PDLIM5: variants seen among roughly 807,000 people sequenced by gnomAD.
The protein encoded by PDLIM5 is PDZ and LIM domain 5, also known as PDZ and LIM domain protein 5.
A neutral mutation model predicts 64.2 loss-of-function variants in PDLIM5; 34 were observed. The observed-to-expected ratio is 0.53, with a 90% confidence interval of 0.40 to 0.71. PDLIM5 has a LOEUF of 0.71. PDLIM5 is among the 30% of genes least tolerant of loss of function. The pLI, the probability that PDLIM5 is intolerant of heterozygous loss-of-function variation, is 0.00. For missense variants in PDLIM5, 683 were observed against 733.6 expected, an observed-to-expected ratio of 0.93 and a Z score of 0.80; for synonymous variants, 253 against 269.1, an observed-to-expected ratio of 0.94 and a Z score of 0.59.
At chr4:94,496,141 C>G (rs561735763) in intron 2 of PDLIM5, among the ~76,000 whole-genome samples, 22 of 151,654 alleles carry the variant, frequency 1.5e-4, no homozygotes, top group Admixed American at 9.2e-4. Flanking sequence ...CATCAAGTAG[C>G]AAAAACAGAT....
At chr4:94,598,714 T>C (rs1737256521) in intron 7 of PDLIM5, among the ~76,000 whole-genome samples, 1 of 151,688 alleles carries the variant, frequency 6.6e-6, no homozygotes. Flanking sequence ...AAAAGGAAAA[T>C]AAGGAAAAAT....
intron 2 of PDLIM5, chr4:94,455,779 A>G: frequency 2.0e-6 from 3 of 1,517,220 alleles, no homozygotes; most frequent in Non-Finnish European, 2.7e-6. Flanking sequence ...ACTGTTGATC[A>G]AAATTGAATA....
chr4:94,586,390 T>C lies in PDLIM5; in HGVS notation c.884-18T>C, dbSNP rs1209611572. The C allele has an allele frequency of 4.4e-6, 6 of 1,370,492 alleles. No individual in the cohort carries two copies. The highest frequency in any genetic ancestry group is 2.9e-5 in the African/African-American group (2 of 69,718). The allele number at this position is 1,370,492 out of a possible 1,614,324, so 84.9% of individuals were successfully genotyped here. On this transcript the variant is annotated intron_variant, in intron 6 of 12. Coordinates refer to ENST00000317968, the MANE Select transcript of PDLIM5 (RefSeq NM_006457.5). ...AAACAAAACAAACTAATATTGGATA[T>C]TGCTTATTATATTTCAGTGAAAGAA...
chr4:94,607,116 T>C (rs1737992143), intron 7 of PDLIM5, among the ~76,000 whole-genome samples: 1 of 152,232 alleles, frequency 6.6e-6, no homozygotes, highest in African/African-American at 2.4e-5. Flanking sequence ...ATGACATTTT[T>C]CTTCAACTGT....
Position 94,522,544 on chromosome 4 carries a change from T to A in PDLIM5, c.97-1180T>A, listed in dbSNP as rs140280943. Among the ~76,000 whole-genome samples, 791 of 152,094 alleles carry A rather than the reference T, an allele frequency of 5.2e-3. 5 individuals carry two copies. Among genetic ancestry groups the A allele is most frequent in the African/African-American group, 0.018 (734 of 41,482 alleles). The stretch of plus-strand genomic sequence containing the variant: ...GCATGCACCACCACGCCCGGCTGAT[T>A]TTTGTATTTTTGGTAGAGATGGGGT... On this transcript the variant is annotated intron_variant, in intron 2 of 12. Coordinates refer to ENST00000317968, the MANE Select transcript of PDLIM5 (RefSeq NM_006457.5).
intron 2 of PDLIM5, among the ~76,000 whole-genome samples, chr4:94,477,139 G>T (rs1478803846): frequency 2.0e-5 from 3 of 152,182 alleles, no homozygotes; most frequent in East Asian, 3.9e-4. Context: ...GGTGAGGGAA[G>T]AGTGGTAGAA....
intron 7 of PDLIM5, among the ~76,000 whole-genome samples, chr4:94,593,406 T>C (rs1472788497): frequency 6.6e-6 from 1 of 152,162 alleles, no homozygotes; most frequent in Non-Finnish European, 1.5e-5. Context: ...CTGGAGACTG[T>C]AAGTTCTAGG....
Position 94,496,071 on chromosome 4 carries a change from A to G in PDLIM5, c.97-27653A>G, listed in dbSNP as rs75660942. 1.3e-4 allele frequency among the ~76,000 whole-genome samples: 20 copies of G among 151,668 alleles called. No individual in the cohort carries two copies. The East Asian group carries it at 3.9e-3, about 29-fold the overall frequency. ...GACATTTCTAGCAAAAAAAAAAACC[A>G]AAAAACAAGGTTTGGCATTGTAGTT... is the stretch of plus-strand genomic sequence containing the variant. On this transcript the variant is annotated intron_variant, in intron 2 of 12. Transcript: ENST00000317968.
At chr4:94,477,949 T>C (rs1448178869) in intron 2 of PDLIM5, among the ~76,000 whole-genome samples, 2 of 152,166 alleles carry the variant, frequency 1.3e-5, no homozygotes, top group Non-Finnish European at 2.9e-5. Flanking sequence ...GAATGATTTC[T>C]TTAGCTTACT....
At chr4:94,573,327 C>G in intron 3 of PDLIM5, 24 bp from the exon 4 acceptor site, 1 of 1,562,124 alleles carries the variant, frequency 6.4e-7, no homozygotes, top group Non-Finnish European at 8.7e-7. Context: ...TTTTTTTTTT[C>G]TTTTTCTTTC....
chr4:94,571,103 A>G (rs1306632299), intron 3 of PDLIM5, among the ~76,000 whole-genome samples: 2 of 152,222 alleles, frequency 1.3e-5, no homozygotes, highest in African/African-American at 4.8e-5. Flanking sequence ...TGGGTATTCA[A>G]AAGATGCAGT....
At chr4:94,602,020 A>G (rs1737542996) in intron 7 of PDLIM5, among the ~76,000 whole-genome samples, 1 of 152,236 alleles carries the variant, frequency 6.6e-6, no homozygotes, top group Admixed American at 6.5e-5. Context: ...GGCAGAATCT[A>G]GCTATGACTC....
At chr4:94,592,802 A>G (rs1021873992) in intron 7 of PDLIM5, among the ~76,000 whole-genome samples, 1 of 151,900 alleles carries the variant, frequency 6.6e-6, no homozygotes, top group African/African-American at 2.4e-5. Flanking sequence ...AATTTTTTGT[A>G]AAGGCAGGAT....
chr4:94,549,069 A>G (rs541236159), intron 3 of PDLIM5, among the ~76,000 whole-genome samples: 56 of 152,140 alleles, frequency 3.7e-4, no homozygotes, highest in African/African-American at 9.6e-4. Flanking sequence ...TCTGTTTCCT[A>G]TTTCCTCGGT....
intron 2 of PDLIM5, among the ~76,000 whole-genome samples, chr4:94,462,182 C>T (rs1024856094): frequency 1.3e-5 from 2 of 152,042 alleles, no homozygotes; most frequent in African/African-American, 4.8e-5. Flanking sequence ...TTAGGTAAGA[C>T]ATTCATATGG....
chr4:94,657,620 G>A, intron 11 of PDLIM5, 73 bp downstream of exon 11: 5 of 1,110,968 alleles, frequency 4.5e-6, no homozygotes, highest in Non-Finnish European at 6.5e-6. Flanking sequence ...TTACTATAAA[G>A]CTCAAGAAAA....
intron 2 of PDLIM5, among the ~76,000 whole-genome samples, chr4:94,507,815 G>A (rs756603446): frequency 2.0e-5 from 3 of 152,178 alleles, no homozygotes; most frequent in Non-Finnish European, 4.4e-5. Context: ...ATTCATCAAA[G>A]CACTAACGTA....
At chr4:94,512,637 G>A (rs572151490) in intron 2 of PDLIM5, among the ~76,000 whole-genome samples, 103 of 151,182 alleles carry the variant, frequency 6.8e-4, no homozygotes, top group South Asian at 3.8e-3. Flanking sequence ...TTTTCATAGC[G>A]TTGTTTGTCA....
chr4:94,537,434 G>A (rs537421433), intron 3 of PDLIM5, among the ~76,000 whole-genome samples: 2 of 152,130 alleles, frequency 1.3e-5, no homozygotes, highest in South Asian at 2.1e-4. Flanking sequence ...AAACAGAAAA[G>A]TATTTTTATG....
Sources: allele counts gnomAD v4.1 joint callset (sites outside exome capture counted in the v4.1 genomes callset), GRCh38; gene constraint gnomAD v4.1.1; transcripts MANE v1.5; gene names NCBI Gene and HGNC (gene_info 2026-07-23, HGNC 2026-07-21).